The following MYOM2 variants were observed in gnomAD, a reference collection of about 807,000 sequenced individuals.
MYOM2 encodes myomesin-2.
MYOM2 carries 254 observed loss-of-function variants against 187.6 expected under a neutral mutation model. The ratio of observed to expected loss-of-function variants is 1.35; its 90% CI spans 1.22 to 1.50. The LOEUF (loss-of-function observed/expected upper bound fraction) is 1.50, where lower values mean the gene tolerates loss of function less well. MYOM2 is among the 40% of genes most tolerant of loss of function. MYOM2 has a pLI of 0.00. For synonymous variants in MYOM2, 981 were observed against 753.8 expected (o/e 1.30, Z -4.94); for missense variants, 2,796 against 1,924.0 (o/e 1.45, Z -8.48).
At chr8:2,142,744 C>CCCTTCCTCCCTCCCT (rs1472614883) in intron 35 of MYOM2, among the ~76,000 whole-genome samples, 1 of 20,508 alleles carries the variant, frequency 4.9e-5, no homozygotes, top group South Asian at 1.1e-3. Context: ...CTCCCTTCCT[C>CCCTTCCTCCCTCCCT]CCCTCCCTCC....
At chr8:2,127,113 G>C (rs1797675118) in intron 31 of MYOM2, among the ~76,000 whole-genome samples, 1 of 151,932 alleles carries the variant, frequency 6.6e-6, no homozygotes, top group East Asian at 1.9e-4. Flanking sequence ...TCATGAGTCA[G>C]TGTCAGGGAA....
intron 3 of MYOM2, among the ~76,000 whole-genome samples, chr8:2,053,006 G>C (rs1479101252): frequency 3.3e-5 from 5 of 152,192 alleles, no homozygotes; most frequent in Non-Finnish European, 7.4e-5. Context: ...ATATGGCTTT[G>C]ATCTTTTAAG....
intron 25 of MYOM2, among the ~76,000 whole-genome samples, chr8:2,114,773 C>G (rs1797182731): frequency 6.6e-6 from 1 of 152,124 alleles, no homozygotes; most frequent in Non-Finnish European, 1.5e-5. Context: ...CCCAGCCTAA[C>G]AAAATTTCTT....
At chr8:2,107,265 C>T (rs542606536) in intron 23 of MYOM2, among the ~76,000 whole-genome samples, 13 of 152,208 alleles carry the variant, frequency 8.5e-5, no homozygotes, top group East Asian at 3.9e-4. Context: ...CATTTTTAAA[C>T]GAAGGGGCAG....
At chr8:2,142,881 G>C (rs981068076) in intron 35 of MYOM2, among the ~76,000 whole-genome samples, 4 of 151,136 alleles carry the variant, frequency 2.6e-5, no homozygotes, top group Non-Finnish European at 4.4e-5. Flanking sequence ...TCAACTTCCC[G>C]AGTAGCTGGG....
chr8:2,083,057 A>AG lies in MYOM2; in HGVS notation c.1517-2205dup, dbSNP rs1819683671. 1.3e-5 allele frequency among the ~76,000 whole-genome samples: 2 copies of AG among 152,216 alleles called. 1 individual carries two copies. The highest frequency in any genetic ancestry group is 2.9e-5 in the Non-Finnish European group (2 of 68,022). ...GGATTTTTAAGTGGAGGAAACCAATAGTATCTTCCTCCACACATGAACAGA... is the reference window on the plus strand; with the variant it reads ...GGATTTTTAAGTGGAGGAAACCAATAGGTATCTTCCTCCACACATGAACAGA... On this transcript the variant is annotated intron_variant, in intron 13 of 36. Coordinates refer to ENST00000262113, the MANE Select transcript of MYOM2 (RefSeq NM_003970.4).
chr8:2,143,751 A>C (rs1039370441), intron 36 of MYOM2, among the ~76,000 whole-genome samples: 1 of 152,182 alleles, frequency 6.6e-6, no homozygotes, highest in Admixed American at 6.5e-5. Flanking sequence ...GGGTGTTTCT[A>C]TGCCCCTGTG....
chr8:2,085,416 A>G lies in MYOM2; in HGVS notation c.1644+26A>G, dbSNP rs139375289. 16 of 1,571,752 alleles carry G rather than the reference A, an allele frequency of 1.0e-5. No individual in the cohort carries two copies. The African/African-American group carries it at 2.4e-4, about 23-fold the overall frequency. The stretch of plus-strand genomic sequence containing the variant: ...GTAAACTCCGGGCCCGTGTCCTGGA[A>G]AAGTAGATCTCTGCATGGCCCCCCA... On this transcript the variant is annotated intron_variant, in intron 14 of 36. Transcript: ENST00000262113.
chr8:2,110,968 T>C (rs187098386), intron 25 of MYOM2, among the ~76,000 whole-genome samples: 17 of 152,336 alleles, frequency 1.1e-4, no homozygotes, highest in Admixed American at 5.9e-4. Flanking sequence ...TAGCTTCTTT[T>C]GGGCTGCAAA....
chr8:2,119,747 A>G (rs889627853), intron 28 of MYOM2, among the ~76,000 whole-genome samples: 2 of 152,084 alleles, frequency 1.3e-5, no homozygotes, highest in African/African-American at 2.4e-5. Context: ...GAGGACTCAC[A>G]GGTGAAGGAA....
chr8:2,126,923 G>C (rs1797666860), intron 31 of MYOM2, among the ~76,000 whole-genome samples: 1 of 147,134 alleles, frequency 6.8e-6, no homozygotes, highest in Non-Finnish European at 1.5e-5. Context: ...ACTGGGGGAG[G>C]CAGATAGAGG....
chr8:2,098,910 C>T lies in MYOM2; in HGVS notation c.2367C>T (p.Asn789=), dbSNP rs1796588754. Residue 789 remains asparagine, a synonymous_variant, in exon 19 of 37, where the codon AAC becomes AAT. Coordinates refer to ENST00000262113, the MANE Select transcript of MYOM2 (RefSeq NM_003970.4). The part of the protein sequence containing the change: ...SLYEFKIAAV[N]LAGIGEPSDP... ...ACGAGTTCAAAATCGCCGCCGTCAA[C>T]CTGGCCGGCATCGGGGAGCCCTCAG... is the stretch of plus-strand genomic sequence containing the variant. The T allele has an allele frequency of 6.2e-7, 1 of 1,613,338 alleles. No individual in the cohort carries two copies. The highest frequency in any genetic ancestry group is 8.5e-7 in the Non-Finnish European group (1 of 1,179,748).
intron 20 of MYOM2, 141 bp downstream of exon 20, chr8:2,101,195 A>C (rs868203283): frequency 1.4e-5 from 11 of 808,850 alleles, no homozygotes; most frequent in Middle Eastern, 7.2e-4. Context: ...AAAATACAAA[A>C]AAATTAGCCG....
intron 18 of MYOM2, chr8:2,097,233 C>T (rs1796526273): frequency 2.4e-6 from 1 of 424,098 alleles, no homozygotes; most frequent in African/African-American, 2.1e-5. Flanking sequence ...ATATTTTATA[C>T]ACATATGATG....
intron 17 of MYOM2, among the ~76,000 whole-genome samples, chr8:2,095,543 C>G (rs1048404575): frequency 1.2e-4 from 19 of 152,236 alleles, no homozygotes; most frequent in African/African-American, 4.6e-4. Flanking sequence ...CCTCCTGCCT[C>G]GGTCTCCCAA....
At chr8:2,050,984 C>A in intron 2 of MYOM2, 111 bp downstream of exon 2, 2 of 774,462 alleles carry the variant, frequency 2.6e-6, no homozygotes, top group Non-Finnish European at 4.3e-6. Context: ...TGCAGGGAGT[C>A]AGAGAGCAGA....
In MYOM2 at chr8:2,145,341, T is replaced by C. The variant is rs575619663; in HGVS notation, c.*360T>C. ...CTGTGTGAAGCCACCGTGCTTCTCT[T>C]TGGGGGGCCGCGAGATCTAGCATCT... On this transcript the variant is annotated 3_prime_UTR_variant, in exon 37 of 37. Coordinates refer to ENST00000262113, the MANE Select transcript of MYOM2 (RefSeq NM_003970.4). 4 of 334,644 alleles carry C rather than the reference T, an allele frequency of 1.2e-5. No individual in the cohort carries two copies. The highest frequency in any genetic ancestry group is 2.2e-5 in the African/African-American group (1 of 46,474). The allele number at this position is 334,644 out of a possible 1,614,324, so 20.7% of individuals were successfully genotyped here. A position where few individuals can be genotyped will look rare whatever the true frequency, so the allele number is the denominator to read the frequency against.
rs757886583 is a variant in MYOM2, at chr8:2,078,814, T to C, written c.1343T>C (p.Phe448Ser). 4.3e-6 allele frequency: 7 copies of C among 1,614,042 alleles called. No homozygotes were observed. Among genetic ancestry groups the C allele is most frequent in the South Asian group, 1.1e-5 (1 of 91,080 alleles). Residue 448 changes from phenylalanine to serine, a missense_variant, in exon 12 of 37, where the codon TTT becomes TCT. Phe to Ser is a radical substitution (Grantham distance 155). Transcript: ENST00000262113. ...TGCAAATACCCGGTCACAGGGCTTT[T>C]TGAAGGAAGGTCTTACATATTCCGA... ...KICKYPVTGLFEGRSYIFRVR... is the reference protein window; with the variant it reads ...KICKYPVTGLSEGRSYIFRVR...
intron 16 of MYOM2, among the ~76,000 whole-genome samples, chr8:2,093,063 A>G (rs1222845850): frequency 6.6e-6 from 1 of 152,086 alleles, no homozygotes; most frequent in Non-Finnish European, 1.5e-5. Context: ...GTGTGCAGGG[A>G]TGTCTGAGGT....
Sources: gnomAD v4.1 joint callset for allele counts (sites outside exome capture counted in the v4.1 genomes callset) on GRCh38, gnomAD v4.1.1 for gene constraint, MANE v1.5 for transcripts, NCBI Gene and HGNC (gene_info 2026-07-23, HGNC 2026-07-21) for gene names.